The following SVEP1 variants were observed in gnomAD, a reference collection of about 807,000 sequenced individuals.
SVEP1 encodes sushi, von Willebrand factor type A, EGF and pentraxin domain-containing protein 1.
Under a neutral mutation model 367.3 loss-of-function variants are expected in SVEP1, and 164 were observed. The ratio of observed to expected loss-of-function variants is 0.45; its 90% CI spans 0.39 to 0.51. SVEP1 has a LOEUF of 0.51. Ranked by LOEUF, SVEP1 falls within the 20% of genes least tolerant of loss-of-function variation. SVEP1 has a pLI of 0.00. For missense variants in SVEP1, 4,117 were observed against 4,425.3 expected, an observed-to-expected ratio of 0.93 and a Z score of 1.98; for synonymous variants, 1,666 against 1,611.6, an observed-to-expected ratio of 1.03 and a Z score of -0.81.
chr9:110,482,238 T>C, intron 11 of SVEP1, 123 bp downstream of exon 11: 3 of 1,083,338 alleles, frequency 2.8e-6, no homozygotes, highest in African/African-American at 1.6e-5. Context: ...AAATAAAACC[T>C]GTCAGTCTTC....
chr9:110,498,891 C>T (rs1220244578), intron 7 of SVEP1, 150 bp downstream of exon 7: 3 of 546,436 alleles, frequency 5.5e-6, no homozygotes, highest in African/African-American at 3.9e-5. Context: ...CCACTTTCAA[C>T]CAGAAATCCT....
intron 3 of SVEP1, among the ~76,000 whole-genome samples, chr9:110,520,650 A>C (rs1341422347): frequency 6.6e-6 from 1 of 152,202 alleles, no homozygotes; most frequent in Admixed American, 6.5e-5. Context: ...TACTCTTTCT[A>C]ATATATCTTA....
chr9:110,429,442 G>T, intron 34 of SVEP1, 108 bp from the exon 35 acceptor site: 4 of 810,936 alleles, frequency 4.9e-6, no homozygotes, highest in East Asian at 3.1e-5. Flanking sequence ...TATTGGAAAA[G>T]TTGATTTTTT....
In SVEP1 at chr9:110,387,219, T is replaced by C. The variant is rs1474433029; in HGVS notation, c.10060+66A>G. On this transcript the variant is annotated intron_variant, in intron 42 of 47. Transcript: ENST00000374469. Reference sequence around the variant, plus strand: ...TATGAGTGGAGCTTCCTCTATGTTTTGGATATGCGGGAAGCTAATCGTGAA... The same window carrying C: ...TATGAGTGGAGCTTCCTCTATGTTTCGGATATGCGGGAAGCTAATCGTGAA... The C allele has an allele frequency of 1.3e-5, 19 of 1,473,636 alleles. No homozygotes were observed. In the South Asian group the frequency reaches 2.2e-4, roughly 17 times the overall value. The allele number at this position is 1,473,636 out of a possible 1,614,324, so 91.3% of individuals were successfully genotyped here.
At position 110,579,703 on chromosome 9, in the gene SVEP1, A is replaced by C; in HGVS notation, c.-160T>G. On this transcript the variant is annotated 5_prime_UTR_variant, in exon 1 of 48. Coordinates refer to ENST00000374469, the MANE Select transcript of SVEP1 (RefSeq NM_153366.4). The surrounding 1 kb of genome is among the most constrained non-coding windows in gnomAD (Gnocchi z 5.3). Reference sequence around the variant, plus strand: ...TCATCTGACACTGGGGACAGACACAATCCAGACTCCTCAGCAGCTCGGGAA... The same window carrying C: ...TCATCTGACACTGGGGACAGACACACTCCAGACTCCTCAGCAGCTCGGGAA... 1.3e-5 allele frequency: 11 copies of C among 819,746 alleles called. No homozygotes were observed. The highest frequency in any genetic ancestry group is 1.9e-5 in the African/African-American group (1 of 53,974). 50.8% of individuals were successfully genotyped at this position (819,746 alleles called of 1,614,324 possible).
chr9:110,546,372 C>G, intron 2 of SVEP1, 81 bp from the exon 3 acceptor site: 1 of 1,429,494 alleles, frequency 7.0e-7, no homozygotes, highest in Non-Finnish European at 9.4e-7. Flanking sequence ...AATTTAAGTG[C>G]AAGCTGGAGA....
At chr9:110,434,558 T>C (rs781149702) in intron 29 of SVEP1, 52 bp from the exon 30 acceptor site, 187 of 1,548,606 alleles carry the variant, frequency 1.2e-4, no homozygotes, top group Non-Finnish European at 1.6e-4. Flanking sequence ...AGTGGTAGCA[T>C]CACCAAGTCA....
chr9:110,536,948 C>A, intron 3 of SVEP1, among the ~76,000 whole-genome samples: 1 of 151,920 alleles, frequency 6.6e-6, no homozygotes, highest in East Asian at 1.9e-4. Context: ...CTAGTAAAGT[C>A]TTTTTGGAGG....
chr9:110,448,965 G>C (rs192362106), intron 24 of SVEP1, among the ~76,000 whole-genome samples: 3 of 152,306 alleles, frequency 2.0e-5, no homozygotes, highest in East Asian at 3.9e-4. Context: ...AGGGGATTGG[G>C]AAATGTTGCA....
chr9:110,384,555 AT>A, intron 43 of SVEP1, among the ~76,000 whole-genome samples: 1 of 150,774 alleles, frequency 6.6e-6, no homozygotes, highest in Admixed American at 6.7e-5. Context: ...GCTGTTGTGT[AT>A]ATCTTCCTAT....
chr9:110,511,777 G>T (rs560736775), intron 5 of SVEP1, among the ~76,000 whole-genome samples: 91 of 152,068 alleles, frequency 6.0e-4, no homozygotes, highest in Non-Finnish European at 1.1e-3. Context: ...GATGTCTCCT[G>T]GGATTCACAA....
chr9:110,455,720 A>C lies in SVEP1; in HGVS notation c.3674-17T>G. ...ACTTTAAGCCTACAATGTAAACCAA[A>C]TGCTGAGGGACAATCCAAGGATGGG... On this transcript the variant is annotated splice_polypyrimidine_tract_variant and intron_variant, in intron 21 of 47. Coordinates refer to ENST00000374469, the MANE Select transcript of SVEP1 (RefSeq NM_153366.4). The C allele has an allele frequency of 6.3e-7, 1 of 1,592,372 alleles. No individual in the cohort carries two copies. Among genetic ancestry groups the C allele is most frequent in the Non-Finnish European group, 8.6e-7 (1 of 1,166,584 alleles).
intron 5 of SVEP1, 39 bp from the exon 6 acceptor site, chr9:110,503,256 A>G: frequency 1.3e-6 from 2 of 1,568,166 alleles, no homozygotes; most frequent in Non-Finnish European, 1.7e-6. Context: ...ATTTTGCTAA[A>G]TAAGGATAAA....
intron 13 of SVEP1, among the ~76,000 whole-genome samples, chr9:110,478,019 T>C (rs1466613832): frequency 6.6e-6 from 1 of 152,208 alleles, no homozygotes; most frequent in African/African-American, 2.4e-5. Context: ...ACATGTAATC[T>C]TTTTGACCAT....
intron 1 of SVEP1, among the ~76,000 whole-genome samples, chr9:110,573,598 T>C (rs1039088169): frequency 6.6e-6 from 1 of 152,024 alleles, no homozygotes; most frequent in African/African-American, 2.4e-5. Context: ...CTTCATGCGA[T>C]GTTTGTTTAA....
At chr9:110,389,261 A>G (rs1827585207) in intron 41 of SVEP1, among the ~76,000 whole-genome samples, 1 of 152,128 alleles carries the variant, frequency 6.6e-6, no homozygotes, top group Non-Finnish European at 1.5e-5. Context: ...TCAATAATTA[A>G]CTAGTTTTTA....
At chr9:110,401,062 A>C in intron 39 of SVEP1, 53 bp from the exon 40 acceptor site, 1 of 1,589,218 alleles carries the variant, frequency 6.3e-7, no homozygotes, top group Non-Finnish European at 8.5e-7. Flanking sequence ...ATACATATGA[A>C]TGAAGAAATT....
Position 110,407,169 on chromosome 9 carries a change from C to T in SVEP1, c.8431G>A (p.Glu2811Lys). The T allele has an allele frequency of 6.2e-7, 1 of 1,614,030 alleles. No homozygotes were observed. Among genetic ancestry groups the T allele is most frequent in the Non-Finnish European group, 8.5e-7 (1 of 1,179,908 alleles). Residue 2811 changes from glutamate to lysine, a missense_variant, in exon 38 of 48, where the codon GAG (glutamate) becomes AAG (lysine). Glu to Lys is a moderately conservative substitution (Grantham distance 56). This residue lies in a region of SVEP1 where 1,765 missense variants were observed against 1,781.1 expected (regional missense o/e 0.99). Coordinates refer to ENST00000374469, the MANE Select transcript of SVEP1 (RefSeq NM_153366.4). Reference protein sequence around the residue: ...CDPGYVLNGTERRTCQDDKNW... With the variant: ...CDPGYVLNGTKRRTCQDDKNW... The stretch of plus-strand genomic sequence containing the variant: ...TTGTCATCCTGGCATGTTCTCCTCT[C>T]AGTGCCATTCAGCACATATCCGGGG...
chr9:110,566,252 G>A (rs1040860082), intron 1 of SVEP1, among the ~76,000 whole-genome samples: 1 of 151,924 alleles, frequency 6.6e-6, no homozygotes, highest in African/African-American at 2.4e-5. Context: ...AACCTGGGAA[G>A]TTGAGGCTGC....
Sources: gnomAD v4.1 joint callset for allele counts (sites outside exome capture counted in the v4.1 genomes callset) on GRCh38, gnomAD v4.1.1 for gene constraint, gnomAD v4.1.1 regional missense constraint, Gnocchi (gnomAD v3.1) non-coding constraint, MANE v1.5 for transcripts, NCBI Gene and HGNC (gene_info 2026-07-23, HGNC 2026-07-21) for gene names.